SYT1: variants seen among roughly 807,000 people sequenced by gnomAD.
SYT1 encodes synaptotagmin 1.
A neutral mutation model predicts 44.8 loss-of-function variants in SYT1; 8 were observed. The observed-to-expected ratio is 0.18, with a 90% CI of 0.10 to 0.32. SYT1 has a LOEUF of 0.32. Ranked by LOEUF, SYT1 falls within the 10% of genes least tolerant of loss-of-function variation. The pLI is 1.00. For missense variants in SYT1, 286 were observed against 509.3 expected (o/e 0.56, Z 4.22); for synonymous variants, 154 against 188.8 (o/e 0.82, Z 1.51).
intron 4 of SYT1, among the ~76,000 whole-genome samples, chr12:79,269,917 T>C (rs1483519777): frequency 6.6e-6 from 1 of 152,234 alleles, no homozygotes; most frequent in Non-Finnish European, 1.5e-5. Flanking sequence ...CTCTGATTGA[T>C]TTAATCTTAA....
intron 9 of SYT1, among the ~76,000 whole-genome samples, chr12:79,418,653 G>C (rs1356828876): frequency 1.3e-5 from 2 of 152,034 alleles, no homozygotes; most frequent in Non-Finnish European, 2.9e-5. Flanking sequence ...AGAGAGTTTG[G>C]GCAAGAAGTC....
chr12:78,886,784 A>C (rs1182201316), intron 1 of SYT1, among the ~76,000 whole-genome samples: 1 of 152,018 alleles, frequency 6.6e-6, no homozygotes, highest in Non-Finnish European at 1.5e-5. Context: ...ATAGTGCGTT[A>C]TTTATTGCTC....
intron 8 of SYT1, among the ~76,000 whole-genome samples, chr12:79,342,653 A>G (rs896771343): frequency 6.6e-6 from 1 of 152,368 alleles, no homozygotes; most frequent in East Asian, 1.9e-4. Flanking sequence ...AAGGATGGAA[A>G]CAAGTGAACT....
intron 3 of SYT1, among the ~76,000 whole-genome samples, chr12:79,104,739 AATAAG>A (rs1173002356): frequency 6.6e-6 from 1 of 151,992 alleles, no homozygotes; most frequent in Non-Finnish European, 1.5e-5. Flanking sequence ...CTATTACAAT[AATAAG>A]ATAGGATAAT....
At chr12:79,447,098 G>A (rs185435530) in intron 10 of SYT1, among the ~76,000 whole-genome samples, 134 of 152,206 alleles carry the variant, frequency 8.8e-4, no homozygotes, top group African/African-American at 3.0e-3. Context: ...AGGCAATAGC[G>A]TTTTGTCAGG....
Position 79,180,461 on chromosome 12 carries a change from C to A in SYT1, c.-17-37042C>A, listed in dbSNP as rs566597286. Among the ~76,000 whole-genome samples, 13 of 100,864 alleles carry A rather than the reference C, an allele frequency of 1.3e-4. 1 individual carries two copies. In the Middle Eastern group the frequency reaches 0.019, roughly 146 times the overall value. The allele number at this position is 100,864 out of a possible 152,430, so 66.2% of individuals were successfully genotyped here. A position where few individuals can be genotyped will look rare whatever the true frequency, so the allele number is the denominator to read the frequency against. On this transcript the variant is annotated intron_variant, in intron 3 of 10. Transcript: ENST00000261205. The stretch of plus-strand genomic sequence containing the variant: ...CATTGTTATAAAGAAGTATCTGAGA[C>A]TGGTAATTTATTTTCTTTTTTTTTT...
Position 79,440,005 on chromosome 12 carries a change from C to A in SYT1, c.929-4068C>A, listed in dbSNP as rs1870316889. Among the ~76,000 whole-genome samples, 3 of 152,196 alleles carry A rather than the reference C, an allele frequency of 2.0e-5. 1 individual carries two copies. Among genetic ancestry groups the A allele is most frequent in the South Asian group, 2.1e-4 (1 of 4,820 alleles). The stretch of plus-strand genomic sequence containing the variant: ...TTTTAAGAGTCCAAGACAGGTGGAT[C>A]ACCTGAGGTCAGGAGCTCAAGACCA... On this transcript the variant is annotated intron_variant, in intron 9 of 10. Transcript: ENST00000261205.
intron 1 of SYT1, among the ~76,000 whole-genome samples, chr12:78,939,508 G>T (rs1247147937): frequency 6.6e-6 from 1 of 152,200 alleles, no homozygotes; most frequent in African/African-American, 2.4e-5. Flanking sequence ...GCTCTCAGCA[G>T]TTTCATGCTT....
chr12:79,426,267 T>G (rs964799636), intron 9 of SYT1, among the ~76,000 whole-genome samples: 2 of 152,172 alleles, frequency 1.3e-5, no homozygotes, highest in African/African-American at 4.8e-5. Flanking sequence ...ATTTCCTCTT[T>G]GTCTAATCTT....
intron 5 of SYT1, 138 bp downstream of exon 5, chr12:79,286,109 C>A: frequency 2.1e-6 from 2 of 961,656 alleles, no homozygotes; most frequent in Non-Finnish European, 3.0e-6. Flanking sequence ...ACCTTTCAGT[C>A]ATTGTTCAAG....
At position 79,185,836 on chromosome 12, in the gene SYT1, T is replaced by C. The variant is rs117783887; in HGVS notation, c.-17-31667T>C. ...AAAATATGTCCTATATTTCCACTAA[T>C]GTCCATTAGAAAATGAGAGATACTC... On this transcript the variant is annotated intron_variant, in intron 3 of 10. Coordinates refer to ENST00000261205, the MANE Select transcript of SYT1 (RefSeq NM_005639.3). Among the ~76,000 whole-genome samples the C allele has an allele frequency of 4.6e-4, 70 of 151,148 alleles. 1 individual carries two copies. In the East Asian group the frequency reaches 5.1e-3, roughly 11 times the overall value.
chr12:78,963,805 G>T (rs1017689340), intron 1 of SYT1, among the ~76,000 whole-genome samples: 3 of 152,104 alleles, frequency 2.0e-5, no homozygotes, highest in Admixed American at 2.0e-4. Context: ...ATATGATTCA[G>T]TAATATCACT....
chr12:79,218,042 T>C (rs944282743), intron 4 of SYT1, among the ~76,000 whole-genome samples: 1 of 152,166 alleles, frequency 6.6e-6, no homozygotes, highest in Non-Finnish European at 1.5e-5. Context: ...ATTGCAAAGA[T>C]TGTTTCTGAA....
intron 3 of SYT1, among the ~76,000 whole-genome samples, chr12:79,056,692 A>T (rs889756680): frequency 1.3e-5 from 2 of 152,110 alleles, no homozygotes; most frequent in Non-Finnish European, 2.9e-5. Context: ...TAAGGGCAGT[A>T]TGATGCCATT....
At chr12:79,394,302 G>A (rs549636392) in intron 9 of SYT1, among the ~76,000 whole-genome samples, 31 of 152,286 alleles carry the variant, frequency 2.0e-4, no homozygotes, top group African/African-American at 7.5e-4. Context: ...TATTACCAAA[G>A]CAGTTGTTAA....
intron 1 of SYT1, among the ~76,000 whole-genome samples, chr12:78,878,503 G>A (rs1286382922): frequency 6.6e-6 from 1 of 151,660 alleles, no homozygotes; most frequent in African/African-American, 2.4e-5. Context: ...TCTAACATTT[G>A]TTTACTCTCA....
chr12:78,888,191 T>C (rs1319637835), intron 1 of SYT1, among the ~76,000 whole-genome samples: 3 of 151,788 alleles, frequency 2.0e-5, no homozygotes, highest in Non-Finnish European at 4.4e-5. Context: ...GAGGATGAGG[T>C]ATTGTAGGTA....
At chr12:79,287,292 T>G (rs1879359105) in intron 5 of SYT1, among the ~76,000 whole-genome samples, 1 of 152,124 alleles carries the variant, frequency 6.6e-6, no homozygotes, top group Non-Finnish European at 1.5e-5. Flanking sequence ...TTCTGGCAAT[T>G]TCTAATCACA....
chr12:79,213,249 T>G (rs1469634743), intron 3 of SYT1, among the ~76,000 whole-genome samples: 1 of 152,198 alleles, frequency 6.6e-6, no homozygotes, highest in African/African-American at 2.4e-5. Flanking sequence ...GTGTATATAC[T>G]GGATGACAAT....
Sources: allele counts gnomAD v4.1 joint callset (sites outside exome capture counted in the v4.1 genomes callset), GRCh38; gene constraint gnomAD v4.1.1; transcripts MANE v1.5; gene names NCBI Gene and HGNC (gene_info 2026-07-23, HGNC 2026-07-21).